BABAM2: variants seen among roughly 807,000 people sequenced by gnomAD.
The protein encoded by BABAM2 is BRISC and BRCA1 A complex member 2.
BABAM2 carries 31 observed loss-of-function variants against 54.7 expected under a neutral mutation model. That is an observed-to-expected ratio of 0.57 (90% CI 0.43 to 0.77). The LOEUF is 0.77. Among genes scored for constraint, BABAM2 ranks in the 30% least tolerant of loss-of-function variants. BABAM2 has a pLI of 0.00. For missense variants in BABAM2, 364 were observed against 455.8 expected, an observed-to-expected ratio of 0.80 and a Z score of 1.83; for synonymous variants, 167 against 162.9, an observed-to-expected ratio of 1.03 and a Z score of -0.19.
intron 10 of BABAM2, among the ~76,000 whole-genome samples, chr2:28,253,841 ATTAAG>A: frequency 6.6e-6 from 1 of 152,348 alleles, no homozygotes; most frequent in South Asian, 2.1e-4. Flanking sequence ...ACAACGGGGC[ATTAAG>A]CTGGAGTTGT....
At chr2:28,115,498 C>T (rs754838382) in intron 6 of BABAM2, among the ~76,000 whole-genome samples, 2 of 151,852 alleles carry the variant, frequency 1.3e-5, no homozygotes, top group Non-Finnish European at 2.9e-5. Flanking sequence ...TGGTGGCGGG[C>T]GCCTGTAGTC....
intron 6 of BABAM2, among the ~76,000 whole-genome samples, chr2:28,070,367 CT>C (rs1461944841): frequency 6.6e-6 from 1 of 152,136 alleles, no homozygotes; most frequent in Non-Finnish European, 1.5e-5. Flanking sequence ...ATGCATGTCT[CT>C]TTTTCTGTGG....
chr2:28,304,151 G>A lies in BABAM2; in HGVS notation c.1088+5660G>A, dbSNP rs914521569. On this transcript the variant is annotated intron_variant, in intron 11 of 11. Coordinates refer to ENST00000379624, the MANE Select transcript of BABAM2 (RefSeq NM_199191.3). This position sits in a 1 kb window ranked among gnomAD's most constrained non-coding sequence, Gnocchi z 4.0. ...GCTCACCGCAACCTCCACCTCCCAG[G>A]TTCAAGTGATTGTCCTGTCTCAGCC... 1.6e-4 allele frequency among the ~76,000 whole-genome samples: 25 copies of A among 151,874 alleles called. No individual in the cohort carries two copies. The highest frequency in any genetic ancestry group is 3.4e-4 in the Non-Finnish European group (23 of 67,966).
chr2:27,897,696 G>T (rs1310926750), intron 2 of BABAM2, among the ~76,000 whole-genome samples: 1 of 151,996 alleles, frequency 6.6e-6, no homozygotes. Flanking sequence ...CAAGCAGCAG[G>T]CCTGGTGCTC....
intron 7 of BABAM2, among the ~76,000 whole-genome samples, chr2:28,225,571 C>G (rs909651093): frequency 4.5e-4 from 69 of 152,120 alleles, no homozygotes; most frequent in African/African-American, 1.6e-3. Context: ...TTCTGAGGAT[C>G]AGTCACCAAC....
At chr2:28,116,110 C>T (rs1240345360) in intron 6 of BABAM2, among the ~76,000 whole-genome samples, 7 of 149,622 alleles carry the variant, frequency 4.7e-5, no homozygotes, top group Non-Finnish European at 8.9e-5. Flanking sequence ...AGCGAAACTC[C>T]GTCTCAAAAA....
chr2:28,054,747 G>A (rs1678266503), intron 6 of BABAM2, among the ~76,000 whole-genome samples: 2 of 152,184 alleles, frequency 1.3e-5, no homozygotes, highest in South Asian at 4.1e-4. Flanking sequence ...TTTTTACACA[G>A]TTTATAGTAT....
chr2:28,202,498 C>T (rs1244693728), intron 7 of BABAM2, among the ~76,000 whole-genome samples: 1 of 152,022 alleles, frequency 6.6e-6, no homozygotes, highest in Admixed American at 6.6e-5. Context: ...AGGAAGTTCC[C>T]CAAAGAATAG....
intron 6 of BABAM2, among the ~76,000 whole-genome samples, chr2:28,125,606 T>G (rs2148759772): frequency 6.6e-6 from 1 of 152,332 alleles, no homozygotes; most frequent in Admixed American, 6.5e-5. Flanking sequence ...TGCAAAATTT[T>G]TAGAAAATAA....
intron 11 of BABAM2, among the ~76,000 whole-genome samples, chr2:28,332,957 G>A (rs1219382881): frequency 1.3e-5 from 2 of 152,086 alleles, no homozygotes; most frequent in African/African-American, 4.8e-5. Flanking sequence ...GAGAAGGGAG[G>A]GCCTGATCCA....
Position 27,983,812 on chromosome 2 carries a change from C to A in BABAM2, c.206-4181C>A, listed in dbSNP as rs531063975. On this transcript the variant is annotated intron_variant, in intron 3 of 11. Transcript: ENST00000379624. ...TTTTGTACATTTATCTTGTATCTTG[C>A]AACCTTGCTGAAGCTGTTTATTAGT... 1.2e-4 allele frequency among the ~76,000 whole-genome samples: 18 copies of A among 151,990 alleles called. 1 individual carries two copies. The highest frequency in any genetic ancestry group is 1.0e-3 in the Admixed American group (16 of 15,260).
intron 6 of BABAM2, among the ~76,000 whole-genome samples, chr2:28,060,915 A>T (rs1351026841): frequency 6.6e-6 from 1 of 152,246 alleles, no homozygotes; most frequent in Admixed American, 6.5e-5. Context: ...ATTGGCATAT[A>T]GATCTGGCAC....
At chr2:28,031,513 T>A (rs1402732888) in intron 5 of BABAM2, among the ~76,000 whole-genome samples, 2 of 152,138 alleles carry the variant, frequency 1.3e-5, no homozygotes, top group Non-Finnish European at 2.9e-5. Context: ...TCAGCCAGTA[T>A]GGGACTAATA....
chr2:28,076,789 C>T (rs1664726147), intron 6 of BABAM2, among the ~76,000 whole-genome samples: 1 of 152,092 alleles, frequency 6.6e-6, no homozygotes, highest in Non-Finnish European at 1.5e-5. Context: ...AGGTGTGAGC[C>T]ACCGCGCCCA....
At position 27,953,699 on chromosome 2, in the gene BABAM2, A is replaced by T. The variant is rs188363080; in HGVS notation, c.205+23791A>T. 1.8e-3 allele frequency among the ~76,000 whole-genome samples: 281 copies of T among 152,322 alleles called. 6 individuals are homozygous for T. The East Asian group carries it at 0.038, about 21-fold the overall frequency. On this transcript the variant is annotated intron_variant, in intron 3 of 11. Transcript: ENST00000379624. Reference sequence around the variant, plus strand: ...GCCTTTGGCTACAGGGCTAGCTCGTAAAAGGAAGGGAACAAAATGTTTAAG... The same window carrying T: ...GCCTTTGGCTACAGGGCTAGCTCGTTAAAGGAAGGGAACAAAATGTTTAAG...
intron 2 of BABAM2, among the ~76,000 whole-genome samples, chr2:27,909,426 A>T (rs973920719): frequency 6.6e-6 from 1 of 151,814 alleles, no homozygotes; most frequent in Non-Finnish European, 1.5e-5. Flanking sequence ...TTTGGTATTC[A>T]TTGTATGATT....
chr2:28,287,869 G>C (rs1264602813), intron 10 of BABAM2, among the ~76,000 whole-genome samples: 1 of 152,216 alleles, frequency 6.6e-6, no homozygotes, highest in African/African-American at 2.4e-5. Flanking sequence ...TCCAGGAAAT[G>C]TGGACCCTCA....
chr2:28,118,590 T>A (rs1450493185), intron 6 of BABAM2, among the ~76,000 whole-genome samples: 1 of 152,214 alleles, frequency 6.6e-6, no homozygotes, highest in African/African-American at 2.4e-5. Context: ...CTTGTAAATA[T>A]GTTTAAGTTC....
chr2:27,948,908 T>A (rs1355661754), intron 3 of BABAM2, among the ~76,000 whole-genome samples: 1 of 152,256 alleles, frequency 6.6e-6, no homozygotes, highest in African/African-American at 2.4e-5. Context: ...TTTATCAGAC[T>A]GATGAAGTCC....
Sources: allele counts gnomAD v4.1 joint callset (sites outside exome capture counted in the v4.1 genomes callset), GRCh38; gene constraint gnomAD v4.1.1; non-coding constraint Gnocchi (gnomAD v3.1); transcripts MANE v1.5; gene names NCBI Gene and HGNC (gene_info 2026-07-23, HGNC 2026-07-21).